The following DNER variants were observed in gnomAD, a reference collection of about 807,000 sequenced individuals.
DNER encodes delta/notch like EGF repeat containing, also known as delta and Notch-like epidermal growth factor-related receptor.
DNER carries 33 observed loss-of-function variants against 78.2 expected under a neutral mutation model. The ratio of observed to expected loss-of-function variants is 0.42; its 90% confidence interval spans 0.32 to 0.56. The LOEUF (loss-of-function observed/expected upper bound fraction) is 0.56, where lower values mean the gene tolerates loss of function less well. Ranked by LOEUF, DNER falls within the 20% of genes least tolerant of loss-of-function variation. The pLI, the probability that DNER is intolerant of heterozygous loss-of-function variation, is 0.11. For missense variants in DNER, 918 were observed against 975.3 expected, an observed-to-expected ratio of 0.94 and a Z score of 0.78; for synonymous variants, 417 against 384.8, an observed-to-expected ratio of 1.08 and a Z score of -0.98.
chr2:229,619,493 TGGCCACTGGA>T (rs1370744934), intron 1 of DNER, among the ~76,000 whole-genome samples: 1 of 152,132 alleles, frequency 6.6e-6, no homozygotes, highest in Non-Finnish European at 1.5e-5. Context: ...GTCAAGAAGT[TGGCCACTGGA>T]GGCCACTGGA....
intron 1 of DNER, among the ~76,000 whole-genome samples, chr2:229,688,738 T>C (rs887875519): frequency 2.0e-5 from 3 of 152,136 alleles, no homozygotes; most frequent in Non-Finnish European, 2.9e-5. Flanking sequence ...AGCAAAGACA[T>C]GGAATCAGCC....
rs11458391 is a variant in DNER, at chr2:229,588,498, G to GAA, written c.586-12_586-11dup. The stretch of plus-strand genomic sequence containing the variant: ...CAATATCTGGGATCACCTGGGAAGG[G>GAA]AAAAAAAAAACGACATATGATTGGG... On this transcript the variant is annotated splice_polypyrimidine_tract_variant and intron_variant, in intron 2 of 12. Coordinates refer to ENST00000341772, the MANE Select transcript of DNER (RefSeq NM_139072.4). 0.051 allele frequency: 51,031 copies of GAA among 999,492 alleles called. 19 individuals are homozygous for GAA. The highest frequency in any genetic ancestry group is 0.11 in the South Asian group (5,551 of 52,132). The allele number at this position is 999,492 out of a possible 1,614,324, so 61.9% of individuals were successfully genotyped here.
At position 229,366,924 on chromosome 2, in the gene DNER, C is replaced by T. The variant is rs530602445; in HGVS notation, c.2051G>A (p.Arg684His). Reference protein sequence around the residue: ...RPAYEEFYNCRSIDSEFSNAI... With the variant: ...RPAYEEFYNCHSIDSEFSNAI... ...ATTGCTGAACTCGCTGTCGATGCTGCGGCAGTTGTAGAACTCCTCATAGGC... is the reference window on the plus strand; with the variant it reads ...ATTGCTGAACTCGCTGTCGATGCTGTGGCAGTTGTAGAACTCCTCATAGGC... Residue 684 changes from arginine to histidine, a missense_variant, in exon 12 of 13, where the codon CGC (arginine) becomes CAC (histidine). Arg to His is a conservative substitution (Grantham distance 29). Transcript: ENST00000341772. The T allele has an allele frequency of 4.3e-5, 70 of 1,614,174 alleles. No homozygotes were observed. The Admixed American group carries it at 9.5e-4, about 22-fold the overall frequency.
intron 5 of DNER, among the ~76,000 whole-genome samples, chr2:229,534,626 CT>C (rs1269197292): frequency 1.3e-5 from 2 of 152,208 alleles, no homozygotes; most frequent in Admixed American, 6.5e-5. Flanking sequence ...AAACAACATA[CT>C]GCAACAGATT....
intron 10 of DNER, among the ~76,000 whole-genome samples, chr2:229,396,135 T>C (rs947182889): frequency 6.6e-6 from 1 of 152,196 alleles, no homozygotes; most frequent in African/African-American, 2.4e-5. Context: ...ATCTATAAGA[T>C]CTGCTTCTGT....
intron 1 of DNER, among the ~76,000 whole-genome samples, chr2:229,643,393 G>T (rs1401875650): frequency 3.3e-5 from 5 of 152,182 alleles, no homozygotes; most frequent in African/African-American, 1.2e-4. Flanking sequence ...AAGAAGTCTT[G>T]TAGTTTGGAA....
chr2:229,510,821 A>G (rs1379853497), intron 6 of DNER, among the ~76,000 whole-genome samples: 1 of 152,236 alleles, frequency 6.6e-6, no homozygotes, highest in Non-Finnish European at 1.5e-5. Context: ...AACTGTTCAA[A>G]TGAATGAGGT....
intron 7 of DNER, among the ~76,000 whole-genome samples, chr2:229,476,245 C>T (rs371911394): frequency 2.6e-5 from 4 of 152,088 alleles, no homozygotes; most frequent in Non-Finnish European, 2.9e-5. Flanking sequence ...CCGAAATATT[C>T]GATTATGAGG....
In DNER at chr2:229,714,288, C is replaced by T. The variant is rs759589862; in HGVS notation, c.136G>A (p.Gly46Arg). ...PVPAAPLSAP[G>R]PCAAQPCRNG... ...CGGCAGGGCTGCGCGGCGCACGGCC[C>T]GGGCGCAGACAGGGGCGCGGCGGGC... Residue 46 changes from glycine to arginine, a missense_variant, in exon 1 of 13, where the codon GGG (glycine) becomes AGG (arginine). Coordinates refer to ENST00000341772, the MANE Select transcript of DNER (RefSeq NM_139072.4). 4 of 1,338,402 alleles carry T rather than the reference C, an allele frequency of 3.0e-6. No homozygotes were observed. Among genetic ancestry groups the T allele is most frequent in the South Asian group, 3.9e-5 (2 of 50,766 alleles). The allele number at this position is 1,338,402 out of a possible 1,614,324, so 82.9% of individuals were successfully genotyped here.
At chr2:229,685,655 G>T (rs939443384) in intron 1 of DNER, among the ~76,000 whole-genome samples, 1 of 152,152 alleles carries the variant, frequency 6.6e-6, no homozygotes, top group South Asian at 2.1e-4. Context: ...CCATTTCAGT[G>T]GTTGCAAATG....
rs1284167860 is a variant in DNER at position 229,625,061 on chromosome 2, TGAAGATAAATATGA to T, written c.277-33187_277-33174del. On this transcript the variant is annotated intron_variant, in intron 1 of 12. Coordinates refer to ENST00000341772, the MANE Select transcript of DNER (RefSeq NM_139072.4). ...TTTATTATTTTGTTTTATTATATATTGAAGATAAATATGAGAAGATTTTATAGGATGATGGTATT... is the reference window on the plus strand; with the variant it reads ...TTTATTATTTTGTTTTATTATATATTGAAGATTTTATAGGATGATGGTATT... Among the ~76,000 whole-genome samples the T allele has an allele frequency of 3.9e-5, 6 of 152,204 alleles. No homozygotes were observed. The East Asian group carries it at 1.2e-3, about 29-fold the overall frequency.
chr2:229,564,844 C>T (rs1418891192), intron 4 of DNER, among the ~76,000 whole-genome samples: 1 of 152,102 alleles, frequency 6.6e-6, no homozygotes, highest in Non-Finnish European at 1.5e-5. Flanking sequence ...GGCTTTAAAA[C>T]AAAGGAAATT....
intron 1 of DNER, among the ~76,000 whole-genome samples, chr2:229,680,916 T>A (rs1300016069): frequency 6.6e-6 from 1 of 152,230 alleles, no homozygotes; most frequent in Admixed American, 6.5e-5. Context: ...ATAGTAATTA[T>A]GGATACTGAT....
intron 4 of DNER, among the ~76,000 whole-genome samples, chr2:229,574,025 T>C (rs1437892484): frequency 6.6e-6 from 1 of 152,178 alleles, no homozygotes; most frequent in Non-Finnish European, 1.5e-5. Flanking sequence ...TCCCTAAAAG[T>C]CTCAGATTCT....
intron 1 of DNER, among the ~76,000 whole-genome samples, chr2:229,660,567 C>T (rs1018011870): frequency 2.6e-5 from 4 of 152,074 alleles, no homozygotes; most frequent in African/African-American, 9.7e-5. Flanking sequence ...AGTTTCTGTT[C>T]CCCAGCCTGG....
intron 6 of DNER, among the ~76,000 whole-genome samples, chr2:229,492,765 T>A (rs1474390797): frequency 6.6e-6 from 1 of 152,132 alleles, no homozygotes; most frequent in African/African-American, 2.4e-5. Context: ...AACACCTGGG[T>A]TCAAGCTAAC....
rs187878812 is a variant in DNER at position 229,664,410 on chromosome 2, A to C, written c.276+49738T>G. Among the ~76,000 whole-genome samples, 38 of 152,320 alleles carry C rather than the reference A, an allele frequency of 2.5e-4. 1 individual carries two copies. The highest frequency in any genetic ancestry group is 2.4e-3 in the Admixed American group (36 of 15,286). On this transcript the variant is annotated intron_variant, in intron 1 of 12. Transcript: ENST00000341772. ...GTAATCCCAGCACTGCGGGAGGCCAAGATTGGAGGATTGCTTGAGCTGAGG... is the reference window on the plus strand; with the variant it reads ...GTAATCCCAGCACTGCGGGAGGCCACGATTGGAGGATTGCTTGAGCTGAGG...
At chr2:229,577,976 T>C (rs1265641792) in intron 4 of DNER, among the ~76,000 whole-genome samples, 2 of 152,186 alleles carry the variant, frequency 1.3e-5, no homozygotes, top group South Asian at 2.1e-4. Flanking sequence ...GAGAGGCTCA[T>C]AGAAATACAT....
chr2:229,630,122 T>C (rs1483706228), intron 1 of DNER, among the ~76,000 whole-genome samples: 2 of 152,214 alleles, frequency 1.3e-5, no homozygotes, highest in African/African-American at 4.8e-5. Context: ...CAGAATTTAT[T>C]CATTCATTCA....
Sources: gnomAD v4.1 joint callset for allele counts (sites outside exome capture counted in the v4.1 genomes callset) on GRCh38, gnomAD v4.1.1 for gene constraint, MANE v1.5 for transcripts, NCBI Gene and HGNC (gene_info 2026-07-23, HGNC 2026-07-21) for gene names.